NELL1: variants seen among roughly 807,000 people sequenced by gnomAD.
NELL1 encodes neural EGFL like 1.
NELL1 carries 76 observed loss-of-function variants against 107.4 expected under a neutral mutation model. That is an observed-to-expected ratio of 0.71 (90% CI 0.59 to 0.86). The LOEUF (loss-of-function observed/expected upper bound fraction) is 0.86. Ranked by LOEUF, NELL1 falls within the 40% of genes least tolerant of loss-of-function variation. The pLI is 0.00. For missense variants in NELL1, 1,024 were observed against 1,005.5 expected, an observed-to-expected ratio of 1.02 and a Z score of -0.25; for synonymous variants, 353 against 341.2, an observed-to-expected ratio of 1.03 and a Z score of -0.38.
At chr11:20,682,679 A>G (rs1011598889) in intron 2 of NELL1, among the ~76,000 whole-genome samples, 1 of 152,062 alleles carries the variant, frequency 6.6e-6, no homozygotes, top group South Asian at 2.1e-4. Context: ...ATCACAATCA[A>G]GAAAAATGAA....
At chr11:21,531,417 T>C (rs1855986790) in intron 15 of NELL1, among the ~76,000 whole-genome samples, 1 of 152,216 alleles carries the variant, frequency 6.6e-6, no homozygotes, top group African/African-American at 2.4e-5. Context: ...TTTTGAACTG[T>C]ATTTCACCAT....
At chr11:21,158,303 T>C (rs531639896) in intron 13 of NELL1, among the ~76,000 whole-genome samples, 1 of 152,276 alleles carries the variant, frequency 6.6e-6, no homozygotes, top group African/African-American at 2.4e-5. Context: ...CGGTCTGTTG[T>C]GGGACTTCGC....
At chr11:20,888,707 AT>A (rs1443063044) in intron 5 of NELL1, among the ~76,000 whole-genome samples, 2 of 151,952 alleles carry the variant, frequency 1.3e-5, no homozygotes, top group Non-Finnish European at 2.9e-5. Context: ...TCAAAAACCA[AT>A]TTTTTTCTGC....
At chr11:21,554,734 C>G (rs907627474) in intron 16 of NELL1, among the ~76,000 whole-genome samples, 3 of 151,758 alleles carry the variant, frequency 2.0e-5, no homozygotes, top group African/African-American at 7.3e-5. Context: ...CTACATTTTT[C>G]TACATAATGG....
intron 16 of NELL1, 103 bp from the exon 17 acceptor site, chr11:21,560,086 G>A (rs1431928137): frequency 1.8e-6 from 2 of 1,092,972 alleles, no homozygotes; most frequent in Middle Eastern, 2.2e-4. Flanking sequence ...CTAGCACAAG[G>A]TAAATGGTCG....
intron 2 of NELL1, among the ~76,000 whole-genome samples, chr11:20,700,817 G>A (rs1854760292): frequency 6.7e-6 from 1 of 149,322 alleles, no homozygotes; most frequent in Non-Finnish European, 1.5e-5. Context: ...TTTCATCCAT[G>A]TCCCTACAAA....
chr11:20,726,361 G>C (rs1033608948), intron 2 of NELL1, among the ~76,000 whole-genome samples: 1 of 151,844 alleles, frequency 6.6e-6, no homozygotes, highest in African/African-American at 2.4e-5. Flanking sequence ...CAACTTGCTG[G>C]GTTTATGCAA....
chr11:21,229,345 TG>T lies in NELL1; in HGVS notation c.1442del (p.Gly481AlafsTer122). Reference protein sequence around the residue: ...DFSCTEHDECGSGQHNCDENA... With the variant: ...DFSCTEHDECXSGQHNCDENA... ...CCCTGGAAACAGAACACGATGAATG[TG>T]GCAGCGGCCAGCACAACTGTGATGA... On this transcript the variant is annotated frameshift_variant, in exon 14 of 20. Coordinates refer to ENST00000357134, the MANE Select transcript of NELL1 (RefSeq NM_006157.5). LOFTEE classifies it high-confidence loss of function. 1 of 1,613,972 alleles carries T rather than the reference TG, an allele frequency of 6.2e-7. No homozygotes were observed. The highest frequency in any genetic ancestry group is 1.1e-5 in the South Asian group (1 of 91,088).
chr11:21,201,414 T>C (rs1857266917), intron 13 of NELL1, among the ~76,000 whole-genome samples: 1 of 152,232 alleles, frequency 6.6e-6, no homozygotes. Flanking sequence ...AGTTCACTCA[T>C]GATTTGGCTC....
chr11:21,147,159 A>T (rs1204331112), intron 13 of NELL1, among the ~76,000 whole-genome samples: 1 of 152,216 alleles, frequency 6.6e-6, no homozygotes, highest in Admixed American at 6.5e-5. Flanking sequence ...TGAGAGTGAT[A>T]GTAGTTCCGT....
chr11:21,387,718 A>T (rs1347746068), intron 15 of NELL1, among the ~76,000 whole-genome samples: 3 of 151,626 alleles, frequency 2.0e-5, no homozygotes, highest in Admixed American at 2.0e-4. Flanking sequence ...TCTCAATTGA[A>T]CTCTGAATTC....
intron 14 of NELL1, among the ~76,000 whole-genome samples, chr11:21,238,119 G>A (rs1858257366): frequency 6.6e-6 from 1 of 151,912 alleles, no homozygotes; most frequent in Non-Finnish European, 1.5e-5. Flanking sequence ...TCTACTTCTT[G>A]CCCATCTTAA....
chr11:21,422,827 C>T (rs1852718894), intron 15 of NELL1, among the ~76,000 whole-genome samples: 1 of 151,976 alleles, frequency 6.6e-6, no homozygotes, highest in South Asian at 2.1e-4. Context: ...AGAAATAAGT[C>T]CCTTCTTAGC....
intron 12 of NELL1, among the ~76,000 whole-genome samples, chr11:21,107,246 C>T (rs1056012629): frequency 6.6e-6 from 1 of 152,046 alleles, no homozygotes; most frequent in African/African-American, 2.4e-5. Flanking sequence ...TCCACCATTA[C>T]AGTATCATAA....
intron 15 of NELL1, among the ~76,000 whole-genome samples, chr11:21,524,483 A>G (rs1000791252): frequency 3.3e-5 from 5 of 152,226 alleles, no homozygotes; most frequent in African/African-American, 1.2e-4. Flanking sequence ...GAGAAAAGAA[A>G]GAGGACTTCT....
chr11:20,777,660 C>A (rs1189578055), intron 2 of NELL1, among the ~76,000 whole-genome samples: 3 of 152,160 alleles, frequency 2.0e-5, no homozygotes, highest in African/African-American at 7.2e-5. Context: ...GTTGCTTTAC[C>A]TTTTGGGGCC....
chr11:21,091,305 C>G (rs1023226681), intron 12 of NELL1, among the ~76,000 whole-genome samples: 4 of 152,168 alleles, frequency 2.6e-5, no homozygotes, highest in African/African-American at 4.8e-5. Context: ...GAATTTCCAG[C>G]TAGTTAAAAA....
chr11:21,208,736 G>A (rs1203949211), intron 13 of NELL1, among the ~76,000 whole-genome samples: 1 of 152,096 alleles, frequency 6.6e-6, no homozygotes, highest in East Asian at 1.9e-4. Context: ...GGATTACAGA[G>A]GTTGATGTCT....
At chr11:20,703,203 G>T (rs1854844136) in intron 2 of NELL1, among the ~76,000 whole-genome samples, 1 of 152,002 alleles carries the variant, frequency 6.6e-6, no homozygotes. Context: ...TCTATTCAGG[G>T]ATTGAACTTC....
Sources: gnomAD v4.1 joint callset for allele counts (sites outside exome capture counted in the v4.1 genomes callset) on GRCh38, gnomAD v4.1.1 for gene constraint, MANE v1.5 for transcripts, NCBI Gene and HGNC (gene_info 2026-07-23, HGNC 2026-07-21) for gene names.